The following SLC25A13 variants were observed in gnomAD, a reference collection of about 807,000 sequenced individuals.
SLC25A13 encodes the protein solute carrier family 25 member 13, also known as electrogenic aspartate/glutamate antiporter SLC25A13, mitochondrial.
In SLC25A13, 70 loss-of-function variants were observed where a neutral mutation model predicts 85.5. The observed-to-expected ratio is 0.82, with a 90% CI of 0.68 to 1.00. SLC25A13 has a LOEUF of 1.00. SLC25A13 is among the 50% of genes least tolerant of loss of function. The pLI is 0.00. For synonymous variants in SLC25A13, 259 were observed against 288.7 expected (o/e 0.90, Z 1.04); for missense variants, 765 against 819.8 (o/e 0.93, Z 0.82).
At chr7:96,160,947 C>T (rs985383808) in intron 13 of SLC25A13, among the ~76,000 whole-genome samples, 9 of 151,038 alleles carry the variant, frequency 6.0e-5, no homozygotes, top group Non-Finnish European at 1.2e-4. Flanking sequence ...AGAAATCTGC[C>T]AATTTAGATA....
chr7:96,300,451 T>TA (rs1799508062), intron 1 of SLC25A13, among the ~76,000 whole-genome samples: 1 of 152,206 alleles, frequency 6.6e-6, no homozygotes, highest in Non-Finnish European at 1.5e-5. Flanking sequence ...GCCACACAGT[T>TA]AAAGTGCTCA....
rs150082469 is a variant in SLC25A13 at position 96,121,909 on chromosome 7, G to A, written c.1680C>T (p.Ser560=). ...TCTTTCTAAAGCAGTCTATCACTCC[G>A]CTGTAAGTGGTTTGGCCAGCCCGGG... ...VAARAGQTTY[S]GVIDCFRKIL... Residue 560 remains serine, a synonymous_variant, in exon 16 of 18, where the codon AGC becomes AGT. Transcript: ENST00000265631. 3.4e-3 allele frequency: 5,416 copies of A among 1,614,064 alleles called. 10 individuals are homozygous for A. Among genetic ancestry groups the A allele is most frequent in the Non-Finnish European group, 4.3e-3 (5,078 of 1,180,020 alleles).
intron 3 of SLC25A13, among the ~76,000 whole-genome samples, chr7:96,239,433 A>G (rs1485062738): frequency 6.6e-6 from 1 of 151,788 alleles, no homozygotes; most frequent in Non-Finnish European, 1.5e-5. Context: ...TTACAGATTT[A>G]ATGAGCATTA....
At chr7:96,259,393 G>A (rs1406968494) in intron 3 of SLC25A13, among the ~76,000 whole-genome samples, 4 of 151,992 alleles carry the variant, frequency 2.6e-5, no homozygotes, top group Non-Finnish European at 4.4e-5. Context: ...CAAAAAGTGG[G>A]TAAAGATATG....
rs372550802 is a variant in SLC25A13, at chr7:96,220,211, C to G, written c.329-11234G>C. 2.9e-4 allele frequency among the ~76,000 whole-genome samples: 44 copies of G among 152,246 alleles called. No individual in the cohort carries two copies. In the East Asian group the frequency reaches 7.1e-3, roughly 25 times the overall value. On this transcript the variant is annotated intron_variant, in intron 4 of 17. Coordinates refer to ENST00000265631, the MANE Select transcript of SLC25A13 (RefSeq NM_014251.3). Reference sequence around the variant, plus strand: ...CACTCTCTAAATGCAAATATAATATCTATATTGTTTTCAAAAACCTATTTC... The same window carrying G: ...CACTCTCTAAATGCAAATATAATATGTATATTGTTTTCAAAAACCTATTTC...
intron 5 of SLC25A13, among the ~76,000 whole-genome samples, chr7:96,195,462 A>C (rs771678679): frequency 6.6e-6 from 1 of 152,210 alleles, no homozygotes; most frequent in Non-Finnish European, 1.5e-5. Flanking sequence ...ACTGAGAGTC[A>C]GTGGTTCTGA....
At chr7:96,167,634 G>A (rs924169692) in intron 13 of SLC25A13, among the ~76,000 whole-genome samples, 2 of 152,194 alleles carry the variant, frequency 1.3e-5, no homozygotes, top group African/African-American at 4.8e-5. Flanking sequence ...GCAATGCTTG[G>A]ATGAACTAAG....
chr7:96,124,705 T>C (rs1276162445), intron 15 of SLC25A13, among the ~76,000 whole-genome samples: 1 of 152,230 alleles, frequency 6.6e-6, no homozygotes, highest in Non-Finnish European at 1.5e-5. Flanking sequence ...TCTTAAAGTG[T>C]TTGTTATTAC....
At chr7:96,280,224 C>T (rs550794908) in intron 2 of SLC25A13, among the ~76,000 whole-genome samples, 2 of 152,152 alleles carry the variant, frequency 1.3e-5, no homozygotes, top group South Asian at 2.1e-4. Context: ...CTCAAATTCC[C>T]AGACTAGTAC....
At chr7:96,150,456 A>G (rs780749360) in intron 13 of SLC25A13, among the ~76,000 whole-genome samples, 12 of 152,170 alleles carry the variant, frequency 7.9e-5, no homozygotes, top group Non-Finnish European at 1.5e-4. Context: ...AAATTGAAGC[A>G]CAGAAAGATT....
intron 4 of SLC25A13, among the ~76,000 whole-genome samples, chr7:96,213,219 C>T (rs1209946734): frequency 6.6e-6 from 1 of 152,164 alleles, no homozygotes; most frequent in Non-Finnish European, 1.5e-5. Flanking sequence ...CATCTATAAA[C>T]TCAATAATCA....
At chr7:96,198,215 A>C (rs1795134142) in intron 5 of SLC25A13, among the ~76,000 whole-genome samples, 1 of 152,130 alleles carries the variant, frequency 6.6e-6, no homozygotes, top group African/African-American at 2.4e-5. Context: ...AGAGCCTCAG[A>C]TTTTCTTCTA....
chr7:96,254,058 C>T (rs1797534607), intron 3 of SLC25A13, among the ~76,000 whole-genome samples: 1 of 152,042 alleles, frequency 6.6e-6, no homozygotes, highest in South Asian at 2.1e-4. Flanking sequence ...TCTGTCTTCC[C>T]TGGAGACAAA....
chr7:96,274,316 GTGT>G (rs1489018567), intron 3 of SLC25A13, among the ~76,000 whole-genome samples: 1 of 152,112 alleles, frequency 6.6e-6, no homozygotes, highest in Non-Finnish European at 1.5e-5. Context: ...CTTTTGAGAA[GTGT>G]CTGTTCATAT....
Position 96,237,594 on chromosome 7 carries a change from A to C in SLC25A13, c.213-2677T>G, listed in dbSNP as rs1438455782. On this transcript the variant is annotated intron_variant, in intron 3 of 17. Transcript: ENST00000265631. ...TGTTTTAGAAAAAGAACTGGTGTGG[A>C]AGATGAATTTAAAGGAGAGATGAGA... Among the ~76,000 whole-genome samples the C allele has an allele frequency of 2.0e-5, 3 of 152,330 alleles. No individual in the cohort carries two copies. In the East Asian group the frequency reaches 5.8e-4, roughly 29 times the overall value.
At chr7:96,178,967 G>T (rs1406347784) in intron 11 of SLC25A13, among the ~76,000 whole-genome samples, 1 of 152,230 alleles carries the variant, frequency 6.6e-6, no homozygotes, top group Non-Finnish European at 1.5e-5. Flanking sequence ...GACAAATGCA[G>T]AAATGAAGAT....
chr7:96,316,570 T>A (rs1412604464), intron 1 of SLC25A13, among the ~76,000 whole-genome samples: 2 of 152,124 alleles, frequency 1.3e-5, no homozygotes, highest in Non-Finnish European at 2.9e-5. Flanking sequence ...ATTGGCAAGG[T>A]TCAAATCAAG....
rs530628620 is a variant in SLC25A13, at chr7:96,165,199, A to T, written c.1311+4846T>A. Among the ~76,000 whole-genome samples, 6 of 152,326 alleles carry T rather than the reference A, an allele frequency of 3.9e-5. No individual in the cohort carries two copies. The East Asian group carries it at 9.6e-4, about 24-fold the overall frequency. Reference sequence around the variant, plus strand: ...AAACAAAAATCATGAAAAATAAGTAAGTTATACAGAATGTTTGAAGGTGGT... The same window carrying T: ...AAACAAAAATCATGAAAAATAAGTATGTTATACAGAATGTTTGAAGGTGGT... On this transcript the variant is annotated intron_variant, in intron 13 of 17. Transcript: ENST00000265631.
At chr7:96,314,020 T>A (rs1012550739) in intron 1 of SLC25A13, among the ~76,000 whole-genome samples, 1 of 152,244 alleles carries the variant, frequency 6.6e-6, no homozygotes, top group African/African-American at 2.4e-5. Context: ...TCATTCTATA[T>A]GCATATGTCA....
Sources: gnomAD v4.1 joint callset for allele counts (sites outside exome capture counted in the v4.1 genomes callset) on GRCh38, gnomAD v4.1.1 for gene constraint, MANE v1.5 for transcripts, NCBI Gene and HGNC (gene_info 2026-07-23, HGNC 2026-07-21) for gene names.